The following NLGN1 variants were observed in gnomAD, a reference collection of about 807,000 sequenced individuals.
The protein encoded by NLGN1 is neuroligin 1.
A neutral mutation model predicts 65.5 loss-of-function variants in NLGN1; 12 were observed. That is an observed-to-expected ratio of 0.18 (90% CI 0.12 to 0.30). The LOEUF (loss-of-function observed/expected upper bound fraction) is 0.30. Ranked by LOEUF, NLGN1 falls within the 10% of genes least tolerant of loss-of-function variation. The pLI is 1.00. For missense variants in NLGN1, 750 were observed against 1,007.1 expected (o/e 0.74, Z 3.46); for synonymous variants, 350 against 359.5 (o/e 0.97, Z 0.30).
At chr3:174,051,626 G>A (rs971619937) in intron 4 of NLGN1, among the ~76,000 whole-genome samples, 2 of 152,024 alleles carry the variant, frequency 1.3e-5, no homozygotes, top group Non-Finnish European at 2.9e-5. Context: ...TCATAAATGA[G>A]GGCATGTCAC....
At chr3:174,287,112 T>C (rs999451782), downstream of NLGN1, among the ~76,000 whole-genome samples, 1 of 150,896 alleles carries the variant, frequency 6.6e-6, no homozygotes, top group African/African-American at 2.4e-5. Flanking sequence ...TAGGAAGATA[T>C]CTTAAATTTA....
intron 4 of NLGN1, among the ~76,000 whole-genome samples, chr3:174,123,676 T>G (rs1718255253): frequency 6.6e-6 from 1 of 152,096 alleles, no homozygotes. Flanking sequence ...GTGAATATCA[T>G]AGCCGGCACC....
chr3:173,667,237 A>G (rs1164245590), intron 3 of NLGN1, among the ~76,000 whole-genome samples: 3 of 132,058 alleles, frequency 2.3e-5, no homozygotes. Context: ...ACACACGCAT[A>G]TGCACACACA....
chr3:174,116,023 T>A (rs1422764878), intron 4 of NLGN1, among the ~76,000 whole-genome samples: 3 of 152,198 alleles, frequency 2.0e-5, no homozygotes, highest in Non-Finnish European at 4.4e-5. Context: ...GTAAAAACTC[T>A]GAGAATATTA....
chr3:173,718,152 C>T (rs1008028898), intron 3 of NLGN1, among the ~76,000 whole-genome samples: 1 of 152,022 alleles, frequency 6.6e-6, no homozygotes, highest in African/African-American at 2.4e-5. Context: ...GTGTTGGGAA[C>T]ATTTTGCCTC....
chr3:174,229,272 T>C (rs986018548), intron 4 of NLGN1, among the ~76,000 whole-genome samples: 2 of 152,098 alleles, frequency 1.3e-5, no homozygotes, highest in Non-Finnish European at 2.9e-5. Flanking sequence ...TAGATTTGGG[T>C]TATGAATCTG....
At chr3:173,505,836 A>G (rs1202868054) in intron 2 of NLGN1, among the ~76,000 whole-genome samples, 1 of 152,134 alleles carries the variant, frequency 6.6e-6, no homozygotes, top group East Asian at 1.9e-4. Flanking sequence ...CTCATCTGCT[A>G]TAATAGAGGC....
chr3:173,935,236 G>T (rs1374914775), intron 4 of NLGN1, among the ~76,000 whole-genome samples: 1 of 151,958 alleles, frequency 6.6e-6, no homozygotes, highest in South Asian at 2.1e-4. Context: ...GCCCACGTCA[G>T]TTAATTTACA....
intron 4 of NLGN1, among the ~76,000 whole-genome samples, chr3:174,065,285 G>A (rs1328317816): frequency 6.6e-6 from 1 of 151,992 alleles, no homozygotes; most frequent in African/African-American, 2.4e-5. Flanking sequence ...GATAATGTGT[G>A]TGTTTCTGTG....
intron 4 of NLGN1, among the ~76,000 whole-genome samples, chr3:174,179,874 C>T (rs1730076089): frequency 1.3e-5 from 2 of 152,072 alleles, no homozygotes; most frequent in Admixed American, 1.3e-4. Context: ...ACTTTTTAAC[C>T]TGTGACCTGT....
chr3:174,041,823 A>G (rs1732380559), intron 4 of NLGN1, among the ~76,000 whole-genome samples: 1 of 152,128 alleles, frequency 6.6e-6, no homozygotes, highest in African/African-American at 2.4e-5. Flanking sequence ...GGAGTCCTAG[A>G]TGGGCGGATC....
At chr3:173,951,946 C>T (rs1474403753) in intron 4 of NLGN1, among the ~76,000 whole-genome samples, 3 of 152,128 alleles carry the variant, frequency 2.0e-5, no homozygotes, top group Non-Finnish European at 4.4e-5. Context: ...TTTTTCACAA[C>T]ATAACTTATG....
chr3:173,522,676 A>G (rs995925087), intron 2 of NLGN1, among the ~76,000 whole-genome samples: 11 of 151,908 alleles, frequency 7.2e-5, no homozygotes, highest in Non-Finnish European at 1.0e-4. Context: ...CTAGTGATCC[A>G]CCCACCTTGG....
intron 4 of NLGN1, among the ~76,000 whole-genome samples, chr3:174,258,948 T>G (rs1746317994): frequency 6.6e-6 from 1 of 152,112 alleles, no homozygotes; most frequent in African/African-American, 2.4e-5. Flanking sequence ...AGTAGCTCTT[T>G]CCACCATTTT....
chr3:173,605,032 A>C, exon 3 of NLGN1: 1 of 1,613,356 alleles, frequency 6.2e-7, no homozygotes, highest in Non-Finnish European at 8.5e-7. Context: ...GTTTCATCAT[A>C]TGTGCAAGAC....
At chr3:173,684,915 C>G (rs960137469) in intron 3 of NLGN1, among the ~76,000 whole-genome samples, 2 of 152,156 alleles carry the variant, frequency 1.3e-5, no homozygotes, top group Non-Finnish European at 2.9e-5. Flanking sequence ...AATCCTTGCT[C>G]TACTTCTGAT....
At chr3:173,610,132 G>A (rs1387122818) in intron 3 of NLGN1, among the ~76,000 whole-genome samples, 1 of 151,874 alleles carries the variant, frequency 6.6e-6, no homozygotes, top group Non-Finnish European at 1.5e-5. Context: ...TCAAACCAGG[G>A]TAGTAACCAC....
intron 2 of NLGN1, among the ~76,000 whole-genome samples, chr3:173,477,521 A>G (rs1334313582): frequency 6.6e-6 from 1 of 152,196 alleles, no homozygotes; most frequent in Non-Finnish European, 1.5e-5. Flanking sequence ...TCCAAACTGC[A>G]CGAAAGAGCA....
At chr3:173,936,154 CA>C (rs1436143402) in intron 4 of NLGN1, among the ~76,000 whole-genome samples, 1 of 151,450 alleles carries the variant, frequency 6.6e-6, no homozygotes, top group Non-Finnish European at 1.5e-5. Context: ...ACAAAATTGA[CA>C]TAAAATAAGT....
Sources: allele counts gnomAD v4.1 joint callset (sites outside exome capture counted in the v4.1 genomes callset), GRCh38; gene constraint gnomAD v4.1.1; transcripts MANE v1.5; gene names NCBI Gene and HGNC (gene_info 2026-07-23, HGNC 2026-07-21).